Variants in DGKK observed in about 807,000 individuals in gnomAD.
DGKK encodes the protein diacylglycerol kinase kappa.
Under a neutral mutation model 92.2 loss-of-function variants are expected in DGKK, and 35 were observed. The ratio of observed to expected loss-of-function variants is 0.38; its 90% CI spans 0.29 to 0.50. The LOEUF (loss-of-function observed/expected upper bound fraction) is 0.50, where lower values mean the gene tolerates loss of function less well. DGKK is among the 20% of genes least tolerant of loss of function. The probability of loss-of-function intolerance (pLI) is 0.92; values close to 1 mark genes in which losing one functional copy is unlikely to be tolerated. For missense variants in DGKK, 910 were observed against 992.2 expected (o/e 0.92, Z 1.11); for synonymous variants, 368 against 360.6 (o/e 1.02, Z -0.23).
At chrX:50,409,279 C>T (rs1335721204) in intron 4 of DGKK, among the ~76,000 whole-genome samples, 3 of 105,015 alleles carry the variant, frequency 2.9e-5, no homozygotes, top group African/African-American at 7.1e-5. Context: ...CTAAGGAACA[C>T]GAAGAATTAC....
chrX:50,396,939 C>T (rs782299425), intron 8 of DGKK, among the ~76,000 whole-genome samples: 1 of 112,120 alleles, frequency 8.9e-6, no homozygotes, highest in South Asian at 3.8e-4. Flanking sequence ...GGCTTGTGAA[C>T]TCTGAAGTAC....
intron 25 of DGKK, among the ~76,000 whole-genome samples, chrX:50,374,236 T>C (rs1258854525): frequency 8.9e-6 from 1 of 111,873 alleles, no homozygotes; most frequent in Non-Finnish European, 1.9e-5. Flanking sequence ...GGTGTCCTTA[T>C]AAGAAGATGG....
Position 50,387,565 on chromosome X carries a change from C to T in DGKK, c.2107G>A (p.Val703Met). 8.3e-7 allele frequency: 1 copy of T among 1,201,895 alleles called. No homozygotes were observed. The highest frequency in any genetic ancestry group is 1.1e-6 in the Non-Finnish European group (1 of 887,354). The change falls in exon 14 of 28, where the codon GTG (valine) becomes ATG (methionine). Residue 703 changes from valine to methionine, a missense_variant. By Grantham distance (21) the Val-to-Met change is conservative. Coordinates refer to ENST00000611977, the MANE Select transcript of DGKK (RefSeq NM_001013742.4). The part of the protein sequence containing the change: ...IKQNNTAIVS[V>M]ILKSDLMYDR... ...GAATGGGAACTTACTTTCAAAATCA[C>T]AGACACTATTGCAGTGTTGTTCTGT...
At chrX:50,449,906 G>GA (rs1557232344) in intron 1 of DGKK, among the ~76,000 whole-genome samples, 1 of 111,816 alleles carries the variant, frequency 8.9e-6, no homozygotes, top group East Asian at 2.8e-4. Flanking sequence ...CTAAATCATA[G>GA]AAAATGTGTA....
At chrX:50,419,623 T>C (rs1925522021) in intron 4 of DGKK, among the ~76,000 whole-genome samples, 1 of 112,351 alleles carries the variant, frequency 8.9e-6, no homozygotes, top group South Asian at 3.7e-4. Context: ...ATTCATTTAT[T>C]CATTCAAAAG....
At position 50,379,746 on chromosome X, in the gene DGKK, G is replaced by C. The variant is rs782446412; in HGVS notation, c.2755-12C>G. 1.7e-6 allele frequency: 2 copies of C among 1,175,831 alleles called. No homozygotes were observed. The highest frequency in any genetic ancestry group is 2.3e-6 in the Non-Finnish European group (2 of 864,152). On this transcript the variant is annotated splice_polypyrimidine_tract_variant and intron_variant, in intron 19 of 27. Coordinates refer to ENST00000611977, the MANE Select transcript of DGKK (RefSeq NM_001013742.4). ...GTTTCTCCATCACACTGAAAGAAAA[G>C]AGTAGCTCTCATTAGCTGGATCTTT...
intron 1 of DGKK, among the ~76,000 whole-genome samples, chrX:50,425,770 C>T (rs781991314): frequency 9.0e-6 from 1 of 111,409 alleles, no homozygotes; most frequent in Admixed American, 9.6e-5. Context: ...ACAAAGAGAA[C>T]AATAAGATCT....
intron 26 of DGKK, among the ~76,000 whole-genome samples, chrX:50,370,824 C>T (rs1924104570): frequency 8.9e-6 from 1 of 112,198 alleles, no homozygotes; most frequent in Non-Finnish European, 1.9e-5. Flanking sequence ...TATTAACATC[C>T]CTGTATCAGA....
intron 1 of DGKK, among the ~76,000 whole-genome samples, chrX:50,432,439 C>T (rs146824540): frequency 0.015 from 1,720 of 112,278 alleles, 28 homozygotes; most frequent in African/African-American, 0.053. Context: ...TCCTGTAAAT[C>T]GTAGCATTCT....
intron 7 of DGKK, 80 bp from the exon 8 acceptor site, chrX:50,401,219 A>T: frequency 1.1e-6 from 1 of 872,829 alleles, no homozygotes; most frequent in African/African-American, 2.0e-5. Context: ...GAGTTCCAAT[A>T]CCAAGATTTA....
intron 25 of DGKK, 132 bp downstream of exon 25, chrX:50,374,839 G>T: frequency 2.0e-6 from 1 of 505,154 alleles, no homozygotes. Flanking sequence ...AGGTGACACA[G>T]TAGGGACTTC....
chrX:50,465,773 G>A (rs1184616556), intron 1 of DGKK, among the ~76,000 whole-genome samples: 4 of 110,932 alleles, frequency 3.6e-5, no homozygotes, highest in African/African-American at 1.3e-4. Flanking sequence ...AAGGCCATAT[G>A]TCAGATTTTT....
At chrX:50,402,085 T>A (rs1218115329) in intron 7 of DGKK, among the ~76,000 whole-genome samples, 1 of 111,331 alleles carries the variant, frequency 9.0e-6, no homozygotes, top group Admixed American at 9.5e-5. Flanking sequence ...TGAGGACCAC[T>A]GGTTTAGAGG....
chrX:50,435,594 G>A (rs1220672672), intron 1 of DGKK, among the ~76,000 whole-genome samples: 1 of 112,150 alleles, frequency 8.9e-6, no homozygotes, highest in Non-Finnish European at 1.9e-5. Flanking sequence ...GAGGAAGGTA[G>A]ACAGAAATTG....
At chrX:50,405,450 A>T (rs1925126089) in intron 4 of DGKK, among the ~76,000 whole-genome samples, 1 of 110,643 alleles carries the variant, frequency 9.0e-6, no homozygotes, top group Non-Finnish European at 1.9e-5. Context: ...TGACATTATA[A>T]TGAGTTGGGT....
At chrX:50,463,389 C>T (rs781945550) in intron 1 of DGKK, among the ~76,000 whole-genome samples, 3 of 96,835 alleles carry the variant, frequency 3.1e-5, no homozygotes, top group African/African-American at 1.2e-4. Context: ...TTGTCTCTCT[C>T]TCTGGCTCCC....
rs782514971 is a variant in DGKK at position 50,459,014 on chromosome X, A to G, written c.645+11020T>C. ...TTTTTCCCCTAAACTTCTTACATCA[A>G]AGTGAATTTGCTATCAGGCAGTCTC... is the stretch of plus-strand genomic sequence containing the variant. On this transcript the variant is annotated intron_variant, in intron 1 of 27. Coordinates refer to ENST00000611977, the MANE Select transcript of DGKK (RefSeq NM_001013742.4). Among the ~76,000 whole-genome samples, 11 of 111,366 alleles carry G rather than the reference A, an allele frequency of 9.9e-5. No homozygotes were observed. The Admixed American group carries it at 1.1e-3, about 11-fold the overall frequency.
In DGKK at chrX:50,413,043, TGAG is replaced by T. The variant is rs781870543; in HGVS notation, c.942+7357_942+7359del. ...AGGGCTCTAGGTTGCACACTCCTTA[TGAG>T]AATCTAACTAATGCCTGATGATCTG... On this transcript the variant is annotated intron_variant, in intron 4 of 27. Coordinates refer to ENST00000611977, the MANE Select transcript of DGKK (RefSeq NM_001013742.4). Among the ~76,000 whole-genome samples, 67 of 110,903 alleles carry T rather than the reference TGAG, an allele frequency of 6.0e-4. 1 individual carries two copies. The highest frequency in any genetic ancestry group is 4.9e-4 in the Non-Finnish European group (26 of 52,912).
chrX:50,390,869 G>A (rs1475557617), intron 11 of DGKK, among the ~76,000 whole-genome samples: 1 of 111,754 alleles, frequency 8.9e-6, no homozygotes, highest in Admixed American at 9.4e-5. Flanking sequence ...GAGATAGGAT[G>A]GTAGTACTTG....
Sources: allele counts gnomAD v4.1 joint callset (sites outside exome capture counted in the v4.1 genomes callset), GRCh38; gene constraint gnomAD v4.1.1; transcripts MANE v1.5; gene names NCBI Gene and HGNC (gene_info 2026-07-23, HGNC 2026-07-21).